The following CCDC146 variants were observed in gnomAD, a reference collection of about 807,000 sequenced individuals.
CCDC146 encodes coiled-coil domain containing 146, also known as coiled-coil domain-containing protein 146.
CCDC146 carries 92 observed loss-of-function variants against 119.3 expected under a neutral mutation model. The observed-to-expected ratio is 0.77, with a 90% confidence interval of 0.65 to 0.92. The LOEUF (loss-of-function observed/expected upper bound fraction) is 0.92, where lower values mean the gene tolerates loss of function less well. CCDC146 is among the 40% of genes least tolerant of loss of function. CCDC146 has a pLI of 0.00. For missense variants in CCDC146, 1,000 were observed against 1,103.0 expected, an observed-to-expected ratio of 0.91 and a Z score of 1.32; for synonymous variants, 372 against 371.8, an observed-to-expected ratio of 1.00 and a Z score of -0.01.
chr7:77,207,816 T>C (rs1179010454), intron 2 of CCDC146, among the ~76,000 whole-genome samples: 2 of 152,208 alleles, frequency 1.3e-5, no homozygotes, highest in African/African-American at 2.4e-5. Context: ...CTAAATGTTA[T>C]TAATTAGAAG....
At chr7:77,199,956 G>A (rs1198613150) in intron 2 of CCDC146, 3 of 721,140 alleles carry the variant, frequency 4.2e-6, no homozygotes, top group South Asian at 2.2e-5. Context: ...CTCATCAAAC[G>A]CAGTTTGCCA....
chr7:77,163,643 A>G (rs955706149), intron 1 of CCDC146, among the ~76,000 whole-genome samples: 21 of 152,226 alleles, frequency 1.4e-4, no homozygotes, highest in Middle Eastern at 3.4e-3. Flanking sequence ...GTATATTCCT[A>G]TAAAGTTCTT....
chr7:77,152,137 C>T (rs1791116786), intron 1 of CCDC146, among the ~76,000 whole-genome samples: 1 of 152,176 alleles, frequency 6.6e-6, no homozygotes, highest in South Asian at 2.1e-4. Context: ...TCTCCTAAGA[C>T]TTGTCCTAGG....
At chr7:77,236,150 T>C (rs533533731) in intron 2 of CCDC146, among the ~76,000 whole-genome samples, 2 of 152,328 alleles carry the variant, frequency 1.3e-5, no homozygotes, top group Admixed American at 1.3e-4. Flanking sequence ...ATTTTGATAC[T>C]GTCACTAGCA....
At chr7:77,188,981 A>G (rs898928547) in intron 2 of CCDC146, among the ~76,000 whole-genome samples, 3 of 151,994 alleles carry the variant, frequency 2.0e-5, no homozygotes, top group African/African-American at 2.4e-5. Flanking sequence ...GTTTCTGTAA[A>G]AGTCTGCTGC....
Position 77,260,039 on chromosome 7 carries a change from A to G in CCDC146, c.789A>G (p.Glu263=). 1.2e-6 allele frequency: 2 copies of G among 1,612,910 alleles called. No homozygotes were observed. The highest frequency in any genetic ancestry group is 1.1e-5 in the South Asian group (1 of 91,008). ...TGGAAAAGAAAAAAATTGTCTTGGA[A>G]CAAGAAGTCAAAACGCTAAATGACT... is the stretch of plus-strand genomic sequence containing the variant. ...VEMEKKKIVL[E]QEVKTLNDSL... Residue 263 remains glutamate (E), a synonymous_variant, in exon 8 of 19, where the codon GAA becomes GAG. Transcript: ENST00000285871.
At chr7:77,278,595 A>G (rs1039027462) in intron 11 of CCDC146, among the ~76,000 whole-genome samples, 157 bp from the exon 12 acceptor site, 4 of 151,784 alleles carry the variant, frequency 2.6e-5, no homozygotes, top group Admixed American at 2.6e-4. Context: ...ACAGGTGCAC[A>G]CCACCATACC....
intron 2 of CCDC146, among the ~76,000 whole-genome samples, chr7:77,232,134 C>G (rs115998170): frequency 0.017 from 2,590 of 152,228 alleles, 64 homozygotes; most frequent in African/African-American, 0.059. Context: ...TGTTTTTAAA[C>G]TTGAATTCCT....
chr7:77,181,479 G>T (rs1720920747), intron 2 of CCDC146, among the ~76,000 whole-genome samples: 2 of 152,178 alleles, frequency 1.3e-5, no homozygotes, highest in Admixed American at 6.5e-5. Context: ...CAAGGTGTAT[G>T]CAGGCCGCGT....
chr7:77,197,247 TA>T (rs1356784294), intron 2 of CCDC146, among the ~76,000 whole-genome samples: 1 of 152,232 alleles, frequency 6.6e-6, no homozygotes, highest in African/African-American at 2.4e-5. Context: ...AAGAAAATAA[TA>T]AAAGTACAGT....
At chr7:77,254,432 A>G in intron 4 of CCDC146, 74 bp from the exon 5 acceptor site, 1 of 810,996 alleles carries the variant, frequency 1.2e-6, no homozygotes, top group Non-Finnish European at 2.0e-6. Context: ...CTGGGATGAG[A>G]AGATAGAAAG....
chr7:77,227,861 T>TA (rs559289023), intron 2 of CCDC146, among the ~76,000 whole-genome samples: 115 of 152,296 alleles, frequency 7.6e-4, no homozygotes, highest in African/African-American at 2.6e-3. Context: ...AATAAAAACA[T>TA]AAAAGCAGCA....
At chr7:77,130,608 T>TC (rs1206996251) in intron 1 of CCDC146, among the ~76,000 whole-genome samples, 1 of 149,696 alleles carries the variant, frequency 6.7e-6, no homozygotes, top group East Asian at 1.9e-4. Flanking sequence ...TTTTTTTTTT[T>TC]TTTTTTTTGA....
intron 9 of CCDC146, among the ~76,000 whole-genome samples, chr7:77,262,762 A>T (rs931289040): frequency 4.6e-5 from 7 of 152,226 alleles, no homozygotes; most frequent in African/African-American, 1.7e-4. Context: ...CCAGAACCCA[A>T]TATCAGGCTG....
chr7:77,163,023 C>T (rs187416244), intron 1 of CCDC146, among the ~76,000 whole-genome samples: 2,867 of 152,296 alleles, frequency 0.019, 100 homozygotes, highest in Admixed American at 0.078. Context: ...CTTTAGCAAA[C>T]TGAAGAATTT....
At chr7:77,197,298 G>A (rs978589771) in intron 2 of CCDC146, among the ~76,000 whole-genome samples, 4 of 152,214 alleles carry the variant, frequency 2.6e-5, no homozygotes, top group Non-Finnish European at 4.4e-5. Flanking sequence ...CTACCTATAC[G>A]TTCTAGGCAT....
rs566639536 is a variant in CCDC146, at chr7:77,258,885, G to A, written c.685-110G>A. 1.5e-4 allele frequency: 103 copies of A among 698,646 alleles called. No individual in the cohort carries two copies. In the African/African-American group the frequency reaches 1.5e-3, roughly 10 times the overall value. 43.3% of individuals were successfully genotyped at this position (698,646 alleles called of 1,614,324 possible). A position where few individuals can be genotyped will look rare whatever the true frequency, so the allele number is the denominator to read the frequency against. On this transcript the variant is annotated intron_variant, in intron 6 of 18. Transcript: ENST00000285871. Reference sequence around the variant, plus strand: ...GATAATTAAAGCACACAGGGCAGATGGTAAGTATCTACATATTGTAGTTCC... The same window carrying A: ...GATAATTAAAGCACACAGGGCAGATAGTAAGTATCTACATATTGTAGTTCC...
Position 77,224,041 on chromosome 7 carries a change from G to T in CCDC146, c.157-12906G>T, listed in dbSNP as rs147391014. Among the ~76,000 whole-genome samples the T allele has an allele frequency of 2.6e-3, 396 of 152,306 alleles. 3 individuals are homozygous for T. Among genetic ancestry groups the T allele is most frequent in the South Asian group, 6.0e-3 (29 of 4,820 alleles). On this transcript the variant is annotated intron_variant, in intron 2 of 18. Transcript: ENST00000285871. Reference sequence around the variant, plus strand: ...TCCAAGTAGATAAGAAGAGAGAAAAGAAATTGCAGATAGGTAGAAATAACA... The same window carrying T: ...TCCAAGTAGATAAGAAGAGAGAAAATAAATTGCAGATAGGTAGAAATAACA...
rs909168197 is a variant in CCDC146, at chr7:77,196,117, A to C, written c.156+28293A>C. On this transcript the variant is annotated intron_variant, in intron 2 of 18. Coordinates refer to ENST00000285871, the MANE Select transcript of CCDC146 (RefSeq NM_020879.3). This position sits in a 1 kb window ranked among gnomAD's most constrained non-coding sequence, Gnocchi z 4.2. ...ACAACAAAGGACTCCTTTAAAATGC[A>C]TTGTTTTTCAGCTTTATTTCAAATG... The C allele has an allele frequency of 2.2e-5, 13 of 594,538 alleles. No homozygotes were observed. Among genetic ancestry groups the C allele is most frequent in the Admixed American group, 6.3e-5 (2 of 31,850 alleles). 36.8% of individuals were successfully genotyped at this position (594,538 alleles called of 1,614,324 possible).
Sources: allele counts gnomAD v4.1 joint callset (sites outside exome capture counted in the v4.1 genomes callset), GRCh38; gene constraint gnomAD v4.1.1; non-coding constraint Gnocchi (gnomAD v3.1); transcripts MANE v1.5; gene names NCBI Gene and HGNC (gene_info 2026-07-23, HGNC 2026-07-21).